Variants in WFDC8 observed in about 807,000 individuals in gnomAD.
The protein encoded by WFDC8 is WAP four-disulfide core domain 8.
In WFDC8, 24 loss-of-function variants were observed where a neutral mutation model predicts 27.0. That is an observed-to-expected ratio of 0.89 (90% CI 0.64 to 1.25). WFDC8 has a LOEUF of 1.25. WFDC8 is among the 50% of genes most tolerant of loss of function. WFDC8 has a pLI of 0.00. For synonymous variants in WFDC8, 106 were observed against 99.7 expected (o/e 1.06, Z -0.38); for missense variants, 287 against 295.9 (o/e 0.97, Z 0.22).
intron 2 of WFDC8, among the ~76,000 whole-genome samples, chr20:45,561,737 T>TGC (rs1231947723): frequency 2.7e-5 from 2 of 74,932 alleles, no homozygotes; most frequent in Non-Finnish European, 6.4e-5. Context: ...CAATTAAACT[T>TGC]GCGTGTGTGT....
intron 1 of WFDC8, among the ~76,000 whole-genome samples, chr20:45,562,829 A>G (rs1980520277): frequency 6.6e-6 from 1 of 152,058 alleles, no homozygotes; most frequent in Non-Finnish European, 1.5e-5. Context: ...CCCATTTCCC[A>G]TATGTGTCTT....
intron 1 of WFDC8, chr20:45,568,322 G>C: frequency 4.2e-6 from 1 of 239,794 alleles, no homozygotes; most frequent in South Asian, 6.3e-5. Context: ...TGATGATTGT[G>C]CTTCATAAGT....
intron 2 of WFDC8, chr20:45,559,718 T>A (rs1193740117): frequency 6.6e-6 from 1 of 152,056 alleles, no homozygotes; most frequent in Non-Finnish European, 1.5e-5. Flanking sequence ...TATTTTTATT[T>A]TTATTTTTTT....
intron 1 of WFDC8, chr20:45,568,413 G>C (rs569305572): frequency 3.8e-6 from 1 of 260,218 alleles, no homozygotes; most frequent in East Asian, 8.3e-5. Flanking sequence ...TTTCACAGAG[G>C]TCAATTCAAC....
intron 1 of WFDC8, among the ~76,000 whole-genome samples, chr20:45,573,148 C>T (rs1980927279): frequency 6.6e-6 from 1 of 152,150 alleles, no homozygotes; most frequent in Admixed American, 6.5e-5. Context: ...AGTTTTACTT[C>T]TGTTTCTTGT....
Position 45,551,920 on chromosome 20 carries a change from TGATACTTAA to T in WFDC8, c.*97_*105del. 1 of 1,290,316 alleles carries T rather than the reference TGATACTTAA, an allele frequency of 7.8e-7. No homozygotes were observed. The highest frequency in any genetic ancestry group is 1.5e-5 in the African/African-American group (1 of 67,500). The allele number at this position is 1,290,316 out of a possible 1,614,324, so 79.9% of individuals were successfully genotyped here. A position where few individuals can be genotyped will look rare whatever the true frequency, so the allele number is the denominator to read the frequency against. Reference sequence around the variant, plus strand: ...ATCAAAGTAACATCATTCAATATTGTGATACTTAAGATAATTTGGCAAGTTGGATACAAG... The same window carrying T: ...ATCAAAGTAACATCATTCAATATTGTGATAATTTGGCAAGTTGGATACAAG... On this transcript the variant is annotated 3_prime_UTR_variant, in exon 6 of 6. Coordinates refer to ENST00000289953, the MANE Select transcript of WFDC8 (RefSeq NM_130896.3).
chr20:45,552,269 A>C, intron 5 of WFDC8, 104 bp from the exon 6 acceptor site: 15 of 1,390,856 alleles, frequency 1.1e-5, no homozygotes, highest in Non-Finnish European at 1.5e-5. Context: ...ATTCTGATTA[A>C]GCTTCTTACC....
At chr20:45,553,827 C>T (rs12480794) in intron 4 of WFDC8, among the ~76,000 whole-genome samples, 58,252 of 151,952 alleles carry the variant, frequency 0.38, 11,639 homozygotes, top group Non-Finnish European at 0.43. Context: ...TTAGGATCTA[C>T]TTTCAAGGTA....
intron 1 of WFDC8, among the ~76,000 whole-genome samples, chr20:45,573,739 A>G (rs760620438): frequency 2.0e-5 from 3 of 152,076 alleles, no homozygotes; most frequent in Non-Finnish European, 4.4e-5. Flanking sequence ...ATTTTTCTAC[A>G]TGTGGATTTC....
Position 45,555,731 on chromosome 20 carries a change from C to A in WFDC8, c.415G>T (p.Asp139Tyr), listed in dbSNP as rs140714267. The A allele has an allele frequency of 5.9e-4, 949 of 1,612,752 alleles. No homozygotes were observed. The highest frequency in any genetic ancestry group is 3.9e-4 in the Non-Finnish European group (457 of 1,180,002). ...EGNANNFLNE[D>Y]ACRTACMLIV... ...AACATGCAGGCCGTTCTGCAGGCAT[C>A]CTCATTTAAGAAGTTGTTGGCATTC... Residue 139 changes from aspartate (D) to tyrosine (Y), a missense_variant, in exon 4 of 6, where the codon GAT becomes TAT. Coordinates refer to ENST00000289953, the MANE Select transcript of WFDC8 (RefSeq NM_130896.3).
In WFDC8 at chr20:45,552,217, G is replaced by C. The variant is rs1004455563; in HGVS notation, c.587-52C>G. On this transcript the variant is annotated intron_variant, in intron 5 of 5. Coordinates refer to ENST00000289953, the MANE Select transcript of WFDC8 (RefSeq NM_130896.3). ...ACCTTGAAATACTTGGTCATAATTT[G>C]AGACAAATTTGAGGAATCTTGGGAA... 3.8e-6 allele frequency: 6 copies of C among 1,599,186 alleles called. No individual in the cohort carries two copies. In the East Asian group the frequency reaches 6.7e-5, roughly 18 times the overall value.
At chr20:45,555,989 AG>A (rs1980232835) in intron 3 of WFDC8, 121 bp from the exon 4 acceptor site, 2 of 1,020,716 alleles carry the variant, frequency 2.0e-6, no homozygotes, top group Admixed American at 2.5e-5. Context: ...GAGCCATGGC[AG>A]GGGAAAAAAA....
rs1011610578 is a variant in WFDC8, at chr20:45,555,626, C to T, written c.445+75G>A. 6.5e-6 allele frequency: 10 copies of T among 1,543,690 alleles called. No individual in the cohort carries two copies. The African/African-American group carries it at 9.6e-5, about 15-fold the overall frequency. On this transcript the variant is annotated intron_variant, in intron 4 of 5. Transcript: ENST00000289953. ...GAACCAAGGAACTTTAACCTCAAAT[C>T]CTGAGCCTATAACCTCATTGGTATA...
intron 1 of WFDC8, among the ~76,000 whole-genome samples, chr20:45,565,843 T>C (rs1205192323): frequency 6.6e-6 from 1 of 152,224 alleles, no homozygotes; most frequent in Non-Finnish European, 1.5e-5. Context: ...AGAAATGAGT[T>C]TGACTGATTT....
chr20:45,565,491 TTTGA>T (rs1283994294), intron 1 of WFDC8, among the ~76,000 whole-genome samples: 2 of 149,340 alleles, frequency 1.3e-5, no homozygotes, highest in Non-Finnish European at 3.0e-5. Context: ...TCTTCTTCTC[TTTGA>T]TTAAGTCCTT....
chr20:45,572,642 T>G (rs1033846226), intron 1 of WFDC8, among the ~76,000 whole-genome samples: 7 of 152,210 alleles, frequency 4.6e-5, no homozygotes, highest in Non-Finnish European at 8.8e-5. Context: ...AGTCATGCTC[T>G]GTCACCCAGG....
chr20:45,568,693 C>A, intron 1 of WFDC8: 2 of 533,248 alleles, frequency 3.8e-6, no homozygotes, highest in South Asian at 1.4e-5. Context: ...CAAAAGTCAC[C>A]ACTGCCATGC....
intron 5 of WFDC8, 128 bp from the exon 6 acceptor site, chr20:45,552,293 T>C: frequency 4.4e-6 from 5 of 1,132,478 alleles, no homozygotes; most frequent in Non-Finnish European, 6.3e-6. Flanking sequence ...CCCCCTACAG[T>C]AACAATAGAC....
At chr20:45,572,568 T>A (rs1980907620) in intron 1 of WFDC8, among the ~76,000 whole-genome samples, 1 of 152,182 alleles carries the variant, frequency 6.6e-6, no homozygotes, top group Admixed American at 6.5e-5. Flanking sequence ...CTCATAAACC[T>A]ATTGGCTATT....
Sources: gnomAD v4.1 joint callset for allele counts (sites outside exome capture counted in the v4.1 genomes callset) on GRCh38, gnomAD v4.1.1 for gene constraint, MANE v1.5 for transcripts, NCBI Gene and HGNC (gene_info 2026-07-23, HGNC 2026-07-21) for gene names.